The following ZBTB7C variants were observed in gnomAD, a reference collection of about 807,000 sequenced individuals.
ZBTB7C encodes zinc finger and BTB domain-containing protein 7C.
In ZBTB7C, 8 loss-of-function variants were observed where a neutral mutation model predicts 25.7. The ratio of observed to expected loss-of-function variants is 0.31; its 90% confidence interval spans 0.18 to 0.56. The LOEUF is 0.56. Ranked by LOEUF, ZBTB7C falls within the 20% of genes least tolerant of loss-of-function variation. The pLI, the probability that ZBTB7C is intolerant of heterozygous loss-of-function variation, is 0.91. For missense variants in ZBTB7C, 824 were observed against 855.2 expected (o/e 0.96, Z 0.46); for synonymous variants, 394 against 369.0 (o/e 1.07, Z -0.78).
intron 2 of ZBTB7C, among the ~76,000 whole-genome samples, chr18:48,294,268 G>A (rs1049898179): frequency 6.6e-6 from 1 of 152,228 alleles, no homozygotes; most frequent in Non-Finnish European, 1.5e-5. Flanking sequence ...TTGTGGGAAA[G>A]GCGTTGAACC....
At position 48,029,183 on chromosome 18, in the gene ZBTB7C, A is replaced by G; in HGVS notation, c.*77T>C. The G allele has an allele frequency of 6.9e-7, 1 of 1,449,184 alleles. No individual in the cohort carries two copies. Among genetic ancestry groups the G allele is most frequent in the South Asian group, 1.3e-5 (1 of 74,532 alleles). The allele number at this position is 1,449,184 out of a possible 1,614,324, so 89.8% of individuals were successfully genotyped here. On this transcript the variant is annotated 3_prime_UTR_variant, in exon 5 of 5. Transcript: ENST00000590800. ...TGTGTTTTTAAAATGAAAAGTTCAG[A>G]TCCATGGGGTAGGGTAGAGTGGGCC... is the stretch of plus-strand genomic sequence containing the variant.
chr18:48,282,906 T>C (rs1226889742), intron 2 of ZBTB7C, among the ~76,000 whole-genome samples: 1 of 152,216 alleles, frequency 6.6e-6, no homozygotes, highest in African/African-American at 2.4e-5. Flanking sequence ...CTGAGAATCT[T>C]CTATGTCATG....
At chr18:48,283,590 G>C (rs1028200286) in intron 2 of ZBTB7C, among the ~76,000 whole-genome samples, 1 of 152,200 alleles carries the variant, frequency 6.6e-6, no homozygotes, top group African/African-American at 2.4e-5. Context: ...ATGAAGTTGA[G>C]TGTGAATTAT....
At chr18:48,274,391 A>AAGTT (rs2044583601) in intron 2 of ZBTB7C, among the ~76,000 whole-genome samples, 2 of 152,140 alleles carry the variant, frequency 1.3e-5, no homozygotes, top group Non-Finnish European at 2.9e-5. Context: ...GTTAGGGTCA[A>AAGTT]AGGTTCACAA....
At chr18:48,383,962 G>C (rs183194378) in intron 1 of ZBTB7C, among the ~76,000 whole-genome samples, 8 of 152,334 alleles carry the variant, frequency 5.3e-5, no homozygotes, top group African/African-American at 1.7e-4. Context: ...AATAACTTTA[G>C]GGATCAGAAC....
chr18:48,252,533 T>A (rs1194519120), intron 2 of ZBTB7C: 1 of 152,258 alleles, frequency 6.6e-6, no homozygotes, highest in Non-Finnish European at 1.5e-5. Context: ...TGCCTTCACT[T>A]TCTGCAGGCA....
intron 3 of ZBTB7C, among the ~76,000 whole-genome samples, chr18:48,175,081 T>C (rs948295047): frequency 2.0e-5 from 3 of 152,186 alleles, no homozygotes; most frequent in Non-Finnish European, 4.4e-5. Flanking sequence ...AGCATGTTCA[T>C]GTCCTACATA....
At chr18:48,285,521 A>G (rs888869090) in intron 2 of ZBTB7C, among the ~76,000 whole-genome samples, 3 of 151,982 alleles carry the variant, frequency 2.0e-5, no homozygotes, top group African/African-American at 7.2e-5. Context: ...TATTTTATTT[A>G]GCAATTTTTT....
At chr18:48,082,667 A>G (rs1305322302) in intron 3 of ZBTB7C, among the ~76,000 whole-genome samples, 1 of 152,168 alleles carries the variant, frequency 6.6e-6, no homozygotes, top group Non-Finnish European at 1.5e-5. Flanking sequence ...GGCAAACAGC[A>G]GACTCTGAGT....
intron 1 of ZBTB7C, among the ~76,000 whole-genome samples, chr18:48,387,506 A>G (rs1199383893): frequency 6.6e-6 from 1 of 152,262 alleles, no homozygotes; most frequent in Non-Finnish European, 1.5e-5. Flanking sequence ...CATCACTTAC[A>G]GCTAGCTGCC....
intron 1 of ZBTB7C, among the ~76,000 whole-genome samples, chr18:48,406,329 G>T (rs916583525): frequency 6.6e-6 from 1 of 152,156 alleles, no homozygotes; most frequent in Non-Finnish European, 1.5e-5. Flanking sequence ...CTGCTGGAGA[G>T]GGGTGAGAGG....
intron 2 of ZBTB7C, among the ~76,000 whole-genome samples, chr18:48,199,829 C>A (rs533627150): frequency 6.6e-6 from 1 of 152,284 alleles, no homozygotes; most frequent in South Asian, 2.1e-4. Flanking sequence ...GGTCATTTTC[C>A]AGAGGATATG....
rs534788188 is a variant in ZBTB7C, at chr18:48,404,236, G to A, written c.-304+4990C>T. Among the ~76,000 whole-genome samples the A allele has an allele frequency of 2.3e-4, 35 of 152,002 alleles. No individual in the cohort carries two copies. In the East Asian group the frequency reaches 6.4e-3, roughly 28 times the overall value. On this transcript the variant is annotated intron_variant, in intron 1 of 4. Coordinates refer to ENST00000590800, the MANE Select transcript of ZBTB7C (RefSeq NM_001318841.2). Reference sequence around the variant, plus strand: ...CGCTGCACATCAGCCTGGGTGACAAGAGTGAGAGACTCCATCTCAAAAAAA... The same window carrying A: ...CGCTGCACATCAGCCTGGGTGACAAAAGTGAGAGACTCCATCTCAAAAAAA...
chr18:48,375,868 G>GACTT (rs1057302635), intron 1 of ZBTB7C, among the ~76,000 whole-genome samples: 1 of 152,236 alleles, frequency 6.6e-6, no homozygotes, highest in African/African-American at 2.4e-5. Context: ...GGAACTTGAA[G>GACTT]ACTTGGCTTC....
chr18:48,108,122 A>C (rs2039098773), intron 3 of ZBTB7C, among the ~76,000 whole-genome samples: 1 of 152,158 alleles, frequency 6.6e-6, no homozygotes, highest in Non-Finnish European at 1.5e-5. Flanking sequence ...GGCAGCTGGA[A>C]GGACCCCAAG....
rs373149984 is a variant in ZBTB7C, at chr18:48,040,562, G to T, written c.546C>A (p.Asp182Glu). The change falls in exon 4 of 5, where the codon GAC (aspartate) becomes GAA (glutamate). Residue 182 changes from aspartate to glutamate, a missense_variant. Around this residue, in one of 4 missense-constraint regions of ZBTB7C, gnomAD observed 316 missense variants for 299.2 expected, o/e 1.06. Coordinates refer to ENST00000590800, the MANE Select transcript of ZBTB7C (RefSeq NM_001318841.2). ...TGGAAGGGCTTTGGTGGCAGCTGAT[G>T]TCCTGGGGGTCAGGCAAGTTTTCTT... ...ADQENLPDPQ[D>E]ISCHQSPSKT... 34 of 1,613,932 alleles carry T rather than the reference G, an allele frequency of 2.1e-5. No homozygotes were observed. The African/African-American group carries it at 4.4e-4, about 21-fold the overall frequency.
At chr18:48,285,290 T>C (rs1007622708) in intron 2 of ZBTB7C, among the ~76,000 whole-genome samples, 2 of 152,228 alleles carry the variant, frequency 1.3e-5, no homozygotes, top group African/African-American at 4.8e-5. Flanking sequence ...TTCTTTCAAT[T>C]TCTGCTTCCC....
At position 48,039,936 on chromosome 18, in the gene ZBTB7C, G is replaced by C. The variant is rs1439061045; in HGVS notation, c.1172C>G (p.Pro391Arg). 1 of 1,613,504 alleles carries C rather than the reference G, an allele frequency of 6.2e-7. No individual in the cohort carries two copies. Among genetic ancestry groups the C allele is most frequent in the Non-Finnish European group, 8.5e-7 (1 of 1,180,036 alleles). The change falls in exon 4 of 5, where the codon CCA becomes CGA. Residue 391 changes from proline to arginine, a missense_variant. Coordinates refer to ENST00000590800, the MANE Select transcript of ZBTB7C (RefSeq NM_001318841.2). ...GACCTCGCAGATGGTGCACATGTAT[G>C]GCTTCTCCCCGGTATGGGTCCTCAT... is the stretch of plus-strand genomic sequence containing the variant. Reference protein sequence around the residue: ...RHMRTHTGEKPYMCTICEVRF... With the variant: ...RHMRTHTGEKRYMCTICEVRF...
chr18:48,285,068 T>C (rs1266608486), intron 2 of ZBTB7C, among the ~76,000 whole-genome samples: 1 of 152,230 alleles, frequency 6.6e-6, no homozygotes. Context: ...TTGTTCATTG[T>C]TAGTTTCTAT....
Sources: gnomAD v4.1 joint callset for allele counts (sites outside exome capture counted in the v4.1 genomes callset) on GRCh38, gnomAD v4.1.1 for gene constraint, gnomAD v4.1.1 regional missense constraint, MANE v1.5 for transcripts, NCBI Gene and HGNC (gene_info 2026-07-23, HGNC 2026-07-21) for gene names.